EIF4A2: variants seen among roughly 807,000 people sequenced by gnomAD.
EIF4A2 encodes eukaryotic translation initiation factor 4A2.
A neutral mutation model predicts 50.6 loss-of-function variants in EIF4A2; 9 were observed. The observed-to-expected ratio is 0.18, with a 90% CI of 0.11 to 0.31. EIF4A2 has a LOEUF of 0.31. EIF4A2 is among the 10% of genes least tolerant of loss of function. EIF4A2 has a pLI of 1.00. For synonymous variants in EIF4A2, 215 were observed against 164.4 expected (o/e 1.31, Z -2.35); for missense variants, 182 against 501.8 (o/e 0.36, Z 6.09).
chr3:186,785,416 G>A (rs538210628), intron 4 of EIF4A2: 6 of 393,212 alleles, frequency 1.5e-5, no homozygotes, highest in African/African-American at 6.1e-5. Context: ...GACTGTCTCC[G>A]TAGTTCGTGA....
chr3:186,787,755 T>C, intron 9 of EIF4A2, 48 bp from the exon 10 acceptor site: 2 of 1,612,176 alleles, frequency 1.2e-6, no homozygotes, highest in South Asian at 2.2e-5. Flanking sequence ...ACATGACAGG[T>C]GTCAAGTTTT....
chr3:186,787,295 CACTAAAGCAGGATTCAG>C, intron 8 of EIF4A2, 31 bp downstream of exon 8: 1 of 1,614,008 alleles, frequency 6.2e-7, no homozygotes, highest in Non-Finnish European at 8.5e-7. Flanking sequence ...TCTGGATTTC[CACTAAAGCAGGATTCAG>C]ACTACAATAT....
chr3:186,785,429 C>T, intron 4 of EIF4A2: 1 of 372,266 alleles, frequency 2.7e-6, no homozygotes, highest in Non-Finnish European at 4.9e-6. Context: ...GTTCGTGATG[C>T]ATCTGTTGCA....
chr3:186,788,177 T>C, intron 10 of EIF4A2: 2 of 758,572 alleles, frequency 2.6e-6, no homozygotes, highest in Non-Finnish European at 3.9e-6. Context: ...ATTTTTTCTA[T>C]AGTTGGGATT....
intron 4 of EIF4A2, chr3:186,785,658 G>A: frequency 2.0e-6 from 1 of 508,982 alleles, no homozygotes; most frequent in Non-Finnish European, 3.5e-6. Context: ...TTGTCTAGCT[G>A]ATGCGTGGAG....
chr3:186,787,988 G>T lies in EIF4A2; in HGVS notation c.1079+106G>T, dbSNP rs1721853791. On this transcript the variant is annotated intron_variant, in intron 10 of 10. Transcript: ENST00000323963. The stretch of plus-strand genomic sequence containing the variant: ...TCAAGGAATAGATTCAGTAAAGTCA[G>T]TAGTGTTCAGTAAGATGATGTAATT... 8.6e-6 allele frequency: 10 copies of T among 1,160,312 alleles called. No homozygotes were observed. In the South Asian group the frequency reaches 1.4e-4, roughly 16 times the overall value. 71.9% of individuals were successfully genotyped at this position (1,160,312 alleles called of 1,614,324 possible). A position where few individuals can be genotyped will look rare whatever the true frequency, so the allele number is the denominator to read the frequency against.
chr3:186,788,605 C>T, intron 10 of EIF4A2: 1 of 307,988 alleles, frequency 3.2e-6, no homozygotes, highest in Non-Finnish European at 5.5e-6. Flanking sequence ...TGAGTTACAA[C>T]GTGTGAAACT....
At chr3:186,785,469 T>G in intron 4 of EIF4A2, 1 of 318,778 alleles carries the variant, frequency 3.1e-6, no homozygotes. Context: ...ACTGCTATAT[T>G]GGCTTTGAAG....
At chr3:186,786,142 A>G (rs776851802) in intron 5 of EIF4A2, 22 bp from the exon 6 acceptor site, 2 of 1,611,166 alleles carry the variant, frequency 1.2e-6, no homozygotes, top group South Asian at 1.1e-5. Flanking sequence ...TAGAAATGAC[A>G]GTATGACTTT....
chr3:186,785,708 T>C, intron 4 of EIF4A2, 175 bp from the exon 5 acceptor site: 1 of 726,190 alleles, frequency 1.4e-6, no homozygotes, highest in Non-Finnish European at 2.1e-6. Flanking sequence ...AGAAAGACAT[T>C]AAGGGAATTT....
At chr3:186,784,925 A>G in intron 3 of EIF4A2, 37 bp from the exon 4 acceptor site, 2 of 1,614,008 alleles carry the variant, frequency 1.2e-6, no homozygotes, top group African/African-American at 1.3e-5. Context: ...TGACAATTTG[A>G]TGTGGGATCG....
intron 10 of EIF4A2, 94 bp downstream of exon 10, chr3:186,787,976 T>G (rs1357165053): frequency 5.3e-5 from 67 of 1,270,922 alleles, no homozygotes; most frequent in Non-Finnish European, 6.9e-5. Context: ...AGGAATAGAT[T>G]CAGTAAAGTC....
In EIF4A2 at chr3:186,787,883, G is replaced by T; in HGVS notation, c.1079+1G>T. ...CCAATCGTGAAAACTATATTCACAG[G>T]TGAGAAGCCAGCATCTTGGCTGTAT... On this transcript the variant is annotated splice_donor_variant, in intron 10 of 10. Coordinates refer to ENST00000323963, the MANE Select transcript of EIF4A2 (RefSeq NM_001967.4). LOFTEE classifies it high-confidence loss of function. 6.2e-7 allele frequency: 1 copy of T among 1,613,498 alleles called. No individual in the cohort carries two copies. Among genetic ancestry groups the T allele is most frequent in the Non-Finnish European group, 8.5e-7 (1 of 1,179,896 alleles).
At chr3:186,783,756 A>G (rs1721508102) in intron 1 of EIF4A2, 117 bp downstream of exon 1, 1 of 1,522,058 alleles carries the variant, frequency 6.6e-7, no homozygotes. Context: ...CTTAGGGTAC[A>G]GCACTCCTGT....
At chr3:186,788,935 A>G (rs1721955271) in intron 10 of EIF4A2, 190 bp from the exon 11 acceptor site, 3 of 683,088 alleles carry the variant, frequency 4.4e-6, no homozygotes. Flanking sequence ...CAAGCCTTGA[A>G]TCCTTTTGGC....
In EIF4A2 at chr3:186,789,110, CTT is replaced by C. The variant is rs769099072; in HGVS notation, c.1080-11_1080-10del. 7.5e-6 allele frequency: 12 copies of C among 1,610,384 alleles called. No homozygotes were observed. Among genetic ancestry groups the C allele is most frequent in the Admixed American group, 3.4e-5 (2 of 59,288 alleles). On this transcript the variant is annotated splice_polypyrimidine_tract_variant and intron_variant, in intron 10 of 10. Coordinates refer to ENST00000323963, the MANE Select transcript of EIF4A2 (RefSeq NM_001967.4). ...TTATGTGAGAAGTAACGTTCTGATT[CTT>C]TTTCTTACACAGAATTGGCAGAGGG...
At chr3:186,789,093 G>A in intron 10 of EIF4A2, 32 bp from the exon 11 acceptor site, 1 of 1,606,256 alleles carries the variant, frequency 6.2e-7, no homozygotes, top group Admixed American at 1.7e-5. Context: ...CATTATGTGA[G>A]AAGTAACGTT....
At chr3:186,786,811 T>A (rs1560085495) in intron 7 of EIF4A2, 166 bp downstream of exon 7, 2 of 977,406 alleles carry the variant, frequency 2.0e-6, no homozygotes, top group Non-Finnish European at 3.3e-6. Flanking sequence ...ACCTCTTTCT[T>A]AATGTCCAAT....
Position 186,789,155 on chromosome 3 carries a change from A to G in EIF4A2, c.1110A>G (p.Lys370=), listed in dbSNP as rs1482446756. 1.2e-6 allele frequency: 2 copies of G among 1,613,744 alleles called. No individual in the cohort carries two copies. The highest frequency in any genetic ancestry group is 4.5e-5 in the East Asian group (2 of 44,876). The change falls in exon 11 of 11, where the codon AAA becomes AAG. Residue 370 remains lysine (K), a synonymous_variant. Transcript: ENST00000323963. ...GCAGAGGGGGTCGATTTGGGAGGAA[A>G]GGTGTGGCTATAAACTTTGTTACTG... The part of the protein sequence containing the change: ...RIGRGGRFGR[K]GVAINFVTEE...
Sources: allele counts gnomAD v4.1 joint callset, GRCh38; gene constraint gnomAD v4.1.1; transcripts MANE v1.5; gene names NCBI Gene and HGNC (gene_info 2026-07-23, HGNC 2026-07-21).